Variants in ABCC1 observed in about 807,000 individuals in gnomAD.
ABCC1 encodes multidrug resistance-associated protein 1.
A neutral mutation model predicts 172.9 loss-of-function variants in ABCC1; 83 were observed. The observed-to-expected ratio is 0.48, with a 90% CI of 0.40 to 0.58. The LOEUF (loss-of-function observed/expected upper bound fraction) is 0.58. ABCC1 is among the 20% of genes least tolerant of loss of function. The pLI is 0.00. For synonymous variants in ABCC1, 937 were observed against 825.2 expected, an observed-to-expected ratio of 1.14 and a Z score of -2.32; for missense variants, 1,817 against 2,002.7, an observed-to-expected ratio of 0.91 and a Z score of 1.77.
In ABCC1 at chr16:16,142,928, A is replaced by G. The variant is rs1214990014; in HGVS notation, c.*1647A>G. On this transcript the variant is annotated 3_prime_UTR_variant, in exon 31 of 31. Transcript: ENST00000399410. The stretch of plus-strand genomic sequence containing the variant: ...GCATCTTTCTTTTAGGCGAAAACGC[A>G]TATATTTATTTTTTGTAAGTTATAC... 1 of 152,642 alleles carries G rather than the reference A, an allele frequency of 6.6e-6. No homozygotes were observed. The highest frequency in any genetic ancestry group is 1.9e-4 in the East Asian group (1 of 5,198). 9.5% of individuals were successfully genotyped at this position (152,642 alleles called of 1,614,324 possible).
At chr16:16,127,679 GGA>G (rs1487943763) in intron 26 of ABCC1, among the ~76,000 whole-genome samples, 1 of 152,180 alleles carries the variant, frequency 6.6e-6, no homozygotes, top group Non-Finnish European at 1.5e-5. Context: ...GGCCTCCTGA[GGA>G]GAGATGCCCC....
At chr16:16,119,400 C>T (rs1247749893) in intron 23 of ABCC1, among the ~76,000 whole-genome samples, 1 of 152,150 alleles carries the variant, frequency 6.6e-6, no homozygotes, top group African/African-American at 2.4e-5. Context: ...GACATTGTGC[C>T]AGTGCACTTC....
chr16:16,134,746 C>T (rs989876217), intron 28 of ABCC1, among the ~76,000 whole-genome samples: 7 of 151,544 alleles, frequency 4.6e-5, no homozygotes, highest in African/African-American at 1.7e-4. Flanking sequence ...AAGCGATTCT[C>T]CCACCCCAGC....
At chr16:16,132,229 A>G (rs913464338) in intron 27 of ABCC1, among the ~76,000 whole-genome samples, 1 of 152,034 alleles carries the variant, frequency 6.6e-6, no homozygotes, top group Non-Finnish European at 1.5e-5. Context: ...TTGCTCTGTT[A>G]CCCAGGCTAG....
At chr16:15,968,904 T>C (rs1453531543) in intron 1 of ABCC1, among the ~76,000 whole-genome samples, 1 of 151,790 alleles carries the variant, frequency 6.6e-6, no homozygotes, top group Non-Finnish European at 1.5e-5. Flanking sequence ...TTTTCTTTTT[T>C]TTTTTTGTAT....
intron 10 of ABCC1, among the ~76,000 whole-genome samples, chr16:16,052,505 G>T (rs1490608423): frequency 6.6e-6 from 1 of 152,156 alleles, no homozygotes; most frequent in African/African-American, 2.4e-5. Flanking sequence ...GGAGAAAGGA[G>T]CGTGGACCTG....
chr16:16,068,677 C>G (rs2050207574), intron 13 of ABCC1, among the ~76,000 whole-genome samples: 1 of 152,102 alleles, frequency 6.6e-6, no homozygotes, highest in South Asian at 2.1e-4. Flanking sequence ...GTCTTGACCA[C>G]CCACGCTTTG....
intron 26 of ABCC1, among the ~76,000 whole-genome samples, chr16:16,126,170 A>G (rs940281905): frequency 4.6e-5 from 7 of 152,192 alleles, no homozygotes; most frequent in African/African-American, 1.7e-4. Context: ...TTCAGAAGGT[A>G]TTCACATTGT....
chr16:16,083,664 G>T (rs2050894140), intron 17 of ABCC1, 122 bp downstream of exon 17: 6 of 1,319,390 alleles, frequency 4.5e-6, no homozygotes, highest in Non-Finnish European at 5.3e-6. Context: ...GCTCAGCTGG[G>T]CGGCTCTGCT....
At chr16:16,069,149 AAAT>A (rs1255775655) in intron 13 of ABCC1, among the ~76,000 whole-genome samples, 2 of 139,978 alleles carry the variant, frequency 1.4e-5, no homozygotes, top group Admixed American at 7.3e-5. Flanking sequence ...ATGTAAAAAA[AAAT>A]AAAATAAAAT....
At chr16:16,005,326 G>T (rs1030538173) in intron 1 of ABCC1, among the ~76,000 whole-genome samples, 4 of 150,654 alleles carry the variant, frequency 2.7e-5, no homozygotes, top group African/African-American at 7.3e-5. Flanking sequence ...CAGGAATGGG[G>T]CCCAGCACCA....
At chr16:16,079,571 G>T in intron 16 of ABCC1, 93 bp downstream of exon 16, 1 of 1,468,132 alleles carries the variant, frequency 6.8e-7, no homozygotes, top group Admixed American at 2.4e-5. Context: ...CTGTCCCTGT[G>T]CCAGAAGCGA....
intron 1 of ABCC1, among the ~76,000 whole-genome samples, chr16:15,956,610 T>C (rs1219976983): frequency 6.6e-6 from 1 of 152,190 alleles, no homozygotes; most frequent in East Asian, 1.9e-4. Flanking sequence ...GTGCTGGGAT[T>C]ATAGGCGTGA....
intron 17 of ABCC1, among the ~76,000 whole-genome samples, chr16:16,085,916 T>C (rs996876460): frequency 6.6e-6 from 1 of 152,108 alleles, no homozygotes; most frequent in African/African-American, 2.4e-5. Flanking sequence ...TTATCTGTCA[T>C]GGTGGGAGCT....
At position 16,069,019 on chromosome 16, in the gene ABCC1, A is replaced by G. The variant is rs137945004; in HGVS notation, c.1824+717A>G. ...AAAAAAAAAAAAAAGAAAAACCCCA[A>G]CCTTACGGCCGGGCATGATGGTACA... On this transcript the variant is annotated intron_variant, in intron 13 of 30. Coordinates refer to ENST00000399410, the MANE Select transcript of ABCC1 (RefSeq NM_004996.4). 3.6e-3 allele frequency among the ~76,000 whole-genome samples: 541 copies of G among 150,010 alleles called. 2 individuals are homozygous for G. The highest frequency in any genetic ancestry group is 0.012 in the African/African-American group (506 of 41,036).
chr16:15,988,314 A>G (rs2046786582), intron 1 of ABCC1, among the ~76,000 whole-genome samples: 1 of 151,836 alleles, frequency 6.6e-6, no homozygotes, highest in Non-Finnish European at 1.5e-5. Context: ...TTTCTAAACC[A>G]TCTGTCTCTT....
At chr16:15,979,500 C>T (rs1291490048) in intron 1 of ABCC1, among the ~76,000 whole-genome samples, 6 of 116,688 alleles carry the variant, frequency 5.1e-5, no homozygotes, top group African/African-American at 2.1e-4. Flanking sequence ...TTCTCTCTCT[C>T]TCTCTCTTTT....
chr16:15,986,884 G>A (rs370751712), intron 1 of ABCC1, among the ~76,000 whole-genome samples: 2 of 152,314 alleles, frequency 1.3e-5, no homozygotes, highest in Admixed American at 6.5e-5. Context: ...GCTAGAGAAT[G>A]TGGAAGGAGG....
intron 23 of ABCC1, among the ~76,000 whole-genome samples, chr16:16,118,977 G>T (rs1363173532): frequency 6.7e-6 from 1 of 150,292 alleles, no homozygotes; most frequent in Non-Finnish European, 1.5e-5. Context: ...CAGCTCAAAT[G>T]TCCATTAACA....
Sources: allele counts gnomAD v4.1 joint callset (sites outside exome capture counted in the v4.1 genomes callset), GRCh38; gene constraint gnomAD v4.1.1; transcripts MANE v1.5; gene names NCBI Gene and HGNC (gene_info 2026-07-23, HGNC 2026-07-21).